HS6ST2: variants seen among roughly 807,000 people sequenced by gnomAD.
The protein encoded by HS6ST2 is heparan sulfate 6-O-sulfotransferase 2.
A neutral mutation model predicts 33.0 loss-of-function variants in HS6ST2; 17 were observed. The observed-to-expected ratio is 0.52, with a 90% confidence interval of 0.35 to 0.77. The LOEUF (loss-of-function observed/expected upper bound fraction) is 0.77, where lower values mean the gene tolerates loss of function less well. HS6ST2 is among the 30% of genes least tolerant of loss of function. The pLI, the probability that HS6ST2 is intolerant of heterozygous loss-of-function variation, is 0.01. For missense variants in HS6ST2, 519 were observed against 551.7 expected, an observed-to-expected ratio of 0.94 and a Z score of 0.59; for synonymous variants, 248 against 237.1, an observed-to-expected ratio of 1.05 and a Z score of -0.42.
rs1320720402 is a variant in HS6ST2 at position 132,816,311 on chromosome X, A to T, written c.948-107817T>A. On this transcript the variant is annotated intron_variant, in intron 2 of 4. Coordinates refer to ENST00000370833, the MANE Select transcript of HS6ST2 (RefSeq NM_001394073.1). ...TACCTTTTGAATTAATAGGGGCTCA[A>T]TTAAAGAGGTTTAACTATATTTCTG... Among the ~76,000 whole-genome samples, 25 of 112,079 alleles carry T rather than the reference A, an allele frequency of 2.2e-4. No individual in the cohort carries two copies. In the Admixed American group the frequency reaches 2.3e-3, roughly 10 times the overall value.
rs760118378 is a variant in HS6ST2, at chrX:132,945,412, G to A, written c.947+11396C>T. The stretch of plus-strand genomic sequence containing the variant: ...ACACTTTTACACTGTTGCTGGGACT[G>A]TAAACTGGTTCAACCATTGTGGAAG... On this transcript the variant is annotated intron_variant, in intron 2 of 4. Coordinates refer to ENST00000370833, the MANE Select transcript of HS6ST2 (RefSeq NM_001394073.1). Among the ~76,000 whole-genome samples, 20 of 111,988 alleles carry A rather than the reference G, an allele frequency of 1.8e-4. No homozygotes were observed. The South Asian group carries it at 3.5e-3, about 19-fold the overall frequency.
intron 2 of HS6ST2, among the ~76,000 whole-genome samples, chrX:132,728,272 G>A (rs180937415): frequency 1.5e-3 from 167 of 112,013 alleles, no homozygotes; most frequent in Non-Finnish European, 2.5e-3. Context: ...CAAGGGTTCC[G>A]GTTTCTCCCA....
rs1444812745 is a variant in HS6ST2 at position 132,626,908 on chromosome X, G to A, written c.*1315C>T. The A allele has an allele frequency of 1.8e-5, 2 of 112,281 alleles. No individual in the cohort carries two copies. The highest frequency in any genetic ancestry group is 6.5e-5 in the African/African-American group (2 of 30,946). The allele number at this position is 112,281 out of a possible 1,213,427, so 9.3% of individuals were successfully genotyped here. On this transcript the variant is annotated 3_prime_UTR_variant, in exon 5 of 5. Transcript: ENST00000370833. ...TGCTCAACTCATATGTTCCTGATAT[G>A]TAACCTCACTACAGAACACTTTTTA...
At chrX:132,711,525 G>T (rs141685740) in intron 2 of HS6ST2, among the ~76,000 whole-genome samples, 69 of 111,449 alleles carry the variant, frequency 6.2e-4, no homozygotes, top group African/African-American at 2.1e-3. Flanking sequence ...AGCTTGACAA[G>T]ATGGTTTCTA....
chrX:132,942,191 A>C (rs2066894496), intron 2 of HS6ST2, among the ~76,000 whole-genome samples: 1 of 111,797 alleles, frequency 8.9e-6, no homozygotes, highest in African/African-American at 3.2e-5. Context: ...CCTCTAGAGT[A>C]TCTGGCAATG....
intron 4 of HS6ST2, among the ~76,000 whole-genome samples, chrX:132,629,602 A>G (rs1423936648): frequency 1.8e-5 from 2 of 112,549 alleles, no homozygotes; most frequent in East Asian, 5.6e-4. Flanking sequence ...CATTTTTTCT[A>G]ATATCCAGTC....
chrX:132,868,492 A>T (rs1053882195), intron 2 of HS6ST2, among the ~76,000 whole-genome samples: 1 of 112,307 alleles, frequency 8.9e-6, no homozygotes, highest in Non-Finnish European at 1.9e-5. Context: ...TCTCAGCACC[A>T]CATGGCACTT....
At chrX:132,808,824 G>T (rs2065311530) in intron 2 of HS6ST2, 1 of 111,910 alleles carries the variant, frequency 8.9e-6, no homozygotes, top group Non-Finnish European at 1.9e-5. Flanking sequence ...GAGGCTCTCA[G>T]GTGGGGCAAG....
chrX:132,644,262 A>C (rs1225275448), intron 4 of HS6ST2, among the ~76,000 whole-genome samples: 1 of 109,874 alleles, frequency 9.1e-6, no homozygotes, highest in Non-Finnish European at 1.9e-5. Context: ...GAAAGTGGGA[A>C]GATAGGAGTG....
intron 2 of HS6ST2, among the ~76,000 whole-genome samples, chrX:132,796,404 G>A (rs1329165011): frequency 8.9e-6 from 1 of 112,202 alleles, no homozygotes; most frequent in Non-Finnish European, 1.9e-5. Flanking sequence ...CTGGCCTAGG[G>A]TATGCTCTAA....
chrX:132,916,804 T>C (rs1048380009), intron 2 of HS6ST2, among the ~76,000 whole-genome samples: 2 of 111,824 alleles, frequency 1.8e-5, no homozygotes, highest in African/African-American at 6.5e-5. Flanking sequence ...TTCCCTACTT[T>C]TGAGGTTGTG....
chrX:132,763,274 A>C (rs183103856), intron 2 of HS6ST2, among the ~76,000 whole-genome samples: 1 of 112,507 alleles, frequency 8.9e-6, no homozygotes, highest in African/African-American at 3.2e-5. Context: ...TGTAGTGTCT[A>C]TCTATTTCCC....
chrX:132,808,596 G>A (rs1271142445), intron 2 of HS6ST2: 2 of 112,200 alleles, frequency 1.8e-5, no homozygotes, highest in Non-Finnish European at 3.8e-5. Flanking sequence ...CATTGCTTTT[G>A]GGGTCAAGAT....
At position 132,685,175 on chromosome X, in the gene HS6ST2, A is replaced by C. The variant is rs2064007677; in HGVS notation, c.981-15976T>G. Among the ~76,000 whole-genome samples the C allele has an allele frequency of 2.7e-5, 3 of 111,672 alleles. No homozygotes were observed. The Admixed American group carries it at 2.9e-4, about 11-fold the overall frequency. On this transcript the variant is annotated intron_variant, in intron 3 of 4. Transcript: ENST00000370833. The stretch of plus-strand genomic sequence containing the variant: ...TAACAAATTAAAACCCATATTAATT[A>C]ATTCTCTGGCCCTTTATTTGCTTCT...
chrX:132,648,667 G>A (rs1213751853), intron 4 of HS6ST2, among the ~76,000 whole-genome samples: 4 of 110,991 alleles, frequency 3.6e-5, no homozygotes, highest in East Asian at 5.7e-4. Context: ...CTATACCTGC[G>A]CTTTTTGTGG....
At chrX:132,716,848 G>T (rs1363074866) in intron 2 of HS6ST2, among the ~76,000 whole-genome samples, 4 of 111,935 alleles carry the variant, frequency 3.6e-5, no homozygotes, top group African/African-American at 1.3e-4. Flanking sequence ...GTCCACAAAT[G>T]ATGCTATTTC....
rs924684812 is a variant in HS6ST2, at chrX:132,949,854, T to TCTCG, written c.947+6950_947+6953dup. On this transcript the variant is annotated intron_variant, in intron 2 of 4. Coordinates refer to ENST00000370833, the MANE Select transcript of HS6ST2 (RefSeq NM_001394073.1). ...TTTGGGAGGGGTAGGAGATGATTTC[T>TCTCG]CTCGCTCGCTCGCTCGCTATCTTTT... 1.2e-4 allele frequency among the ~76,000 whole-genome samples: 13 copies of TCTCG among 110,891 alleles called. No individual in the cohort carries two copies. The South Asian group carries it at 1.6e-3, about 13-fold the overall frequency.
At chrX:132,868,557 G>A (rs749369456) in intron 2 of HS6ST2, among the ~76,000 whole-genome samples, 1 of 111,875 alleles carries the variant, frequency 8.9e-6, no homozygotes, top group Non-Finnish European at 1.9e-5. Context: ...AAATGCAAAA[G>A]AACAGAAATC....
chrX:132,769,432 T>C (rs1270141574), intron 2 of HS6ST2, among the ~76,000 whole-genome samples: 1 of 111,887 alleles, frequency 8.9e-6, no homozygotes, highest in African/African-American at 3.2e-5. Flanking sequence ...TCAGCACACA[T>C]CACCGAAATA....
Sources: allele counts gnomAD v4.1 joint callset (sites outside exome capture counted in the v4.1 genomes callset), GRCh38; gene constraint gnomAD v4.1.1; transcripts MANE v1.5; gene names NCBI Gene and HGNC (gene_info 2026-07-23, HGNC 2026-07-21).